Variants in SH3PXD2A observed in about 807,000 individuals in gnomAD.
SH3PXD2A encodes the protein SH3 and PX domains 2A.
A neutral mutation model predicts 115.2 loss-of-function variants in SH3PXD2A; 32 were observed. The ratio of observed to expected loss-of-function variants is 0.28; its 90% CI spans 0.21 to 0.37. The LOEUF is 0.37. Among genes scored for constraint, SH3PXD2A ranks in the 10% least tolerant of loss-of-function variants. SH3PXD2A has a pLI of 1.00. For synonymous variants in SH3PXD2A, 610 were observed against 629.1 expected, an observed-to-expected ratio of 0.97 and a Z score of 0.45; for missense variants, 1,328 against 1,498.7, an observed-to-expected ratio of 0.89 and a Z score of 1.88.
At chr10:103,607,499 C>T (rs1192688926) in intron 13 of SH3PXD2A, among the ~76,000 whole-genome samples, 19 of 151,190 alleles carry the variant, frequency 1.3e-4, no homozygotes, top group African/African-American at 4.4e-4. Flanking sequence ...CCCCTCTGCC[C>T]GGCCAGCCGC....
rs914094677 is a variant in SH3PXD2A at position 103,693,049 on chromosome 10, C to T, written c.406G>A (p.Gly136Ser). ...EDVNPPKEDY[G>S]SSKRKSVWLS... The stretch of plus-strand genomic sequence containing the variant: ...TTACCTGATTTCCTCTTGGAACTGC[C>T]ATAGTCCCTGAAAAAGAAGCAACAA... The change falls in exon 6 of 15, where the codon GGC becomes AGC. Residue 136 changes from glycine (G) to serine (S), a missense_variant. Gly to Ser is a moderately conservative substitution (Grantham distance 56, BLOSUM62 0). Transcript: ENST00000369774. 11 of 1,613,564 alleles carry T rather than the reference C, an allele frequency of 6.8e-6. No homozygotes were observed. Among genetic ancestry groups the T allele is most frequent in the African/African-American group, 5.3e-5 (4 of 74,914 alleles).
At chr10:103,617,167 C>G in intron 11 of SH3PXD2A, 30 bp downstream of exon 11, 5 of 1,481,614 alleles carry the variant, frequency 3.4e-6, no homozygotes, top group Non-Finnish European at 4.7e-6. Context: ...GGGCGAGAGG[C>G]ATCTCGTTCA....
intron 9 of SH3PXD2A, among the ~76,000 whole-genome samples, chr10:103,626,876 C>T (rs909878394): frequency 1.2e-4 from 18 of 152,180 alleles, no homozygotes; most frequent in Admixed American, 1.2e-3. Flanking sequence ...TGAGCCATCC[C>T]TCAGTTCCTG....
intron 1 of SH3PXD2A, among the ~76,000 whole-genome samples, chr10:103,838,264 C>T (rs749590208): frequency 4.6e-5 from 7 of 152,192 alleles, no homozygotes; most frequent in Admixed American, 2.6e-4. Context: ...GACTCACCTG[C>T]GGTGTGGGTG....
At chr10:103,813,305 T>C (rs1589466239) in intron 1 of SH3PXD2A, among the ~76,000 whole-genome samples, 1 of 152,160 alleles carries the variant, frequency 6.6e-6, no homozygotes, top group African/African-American at 2.4e-5. Flanking sequence ...CTTTCTACTT[T>C]ATAGATTTCT....
At chr10:103,733,679 A>G (rs1332647711) in intron 4 of SH3PXD2A, among the ~76,000 whole-genome samples, 2 of 152,270 alleles carry the variant, frequency 1.3e-5, no homozygotes, top group East Asian at 3.8e-4. Flanking sequence ...CTTCAGTTTA[A>G]TGAAGACTAC....
chr10:103,597,092 A>C lies in SH3PXD2A; in HGVS notation c.*4724T>G, dbSNP rs915811891. On this transcript the variant is annotated 3_prime_UTR_variant, in exon 15 of 15. Transcript: ENST00000369774. ...CAGAGAAACTTGAATAGACCCCCCG[A>C]CTCTTCCCGGAGCAGAATTTGTATG... The C allele has an allele frequency of 6.6e-6, 1 of 151,820 alleles. No individual in the cohort carries two copies. The highest frequency in any genetic ancestry group is 1.5e-5 in the Non-Finnish European group (1 of 67,874). 9.4% of individuals were successfully genotyped at this position (151,820 alleles called of 1,614,324 possible). A position where few individuals can be genotyped will look rare whatever the true frequency, so the allele number is the denominator to read the frequency against.
chr10:103,782,427 A>G (rs1589452496), intron 2 of SH3PXD2A, among the ~76,000 whole-genome samples: 1 of 152,386 alleles, frequency 6.6e-6, no homozygotes, highest in East Asian at 1.9e-4. Context: ...AAAGATGGGC[A>G]CACAAGAGGA....
rs776195744 is a variant in SH3PXD2A at position 103,674,229 on chromosome 10, G to A, written c.428-5577C>T. ...AGGCCATCAAATAATTAGGGCCTAA[G>A]AGATGCTAGTCCTATTATTCAGTAG... On this transcript the variant is annotated intron_variant, in intron 6 of 14. Coordinates refer to ENST00000369774, the MANE Select transcript of SH3PXD2A (RefSeq NM_001394015.1). Among the ~76,000 whole-genome samples, 106 of 152,336 alleles carry A rather than the reference G, an allele frequency of 7.0e-4. 2 individuals are homozygous for A. The highest frequency in any genetic ancestry group is 7.3e-4 in the Non-Finnish European group (50 of 68,040).
At position 103,666,244 on chromosome 10, in the gene SH3PXD2A, G is replaced by A. The variant is rs963533049; in HGVS notation, c.472+2364C>T. 6.6e-6 allele frequency among the ~76,000 whole-genome samples: 1 copy of A among 151,962 alleles called. No homozygotes were observed. Among genetic ancestry groups the A allele is most frequent in the African/African-American group, 2.4e-5 (1 of 41,318 alleles). On this transcript the variant is annotated intron_variant, in intron 7 of 14. Coordinates refer to ENST00000369774, the MANE Select transcript of SH3PXD2A (RefSeq NM_001394015.1). The surrounding 1 kb of genome is among the most constrained non-coding windows in gnomAD (Gnocchi z 4.5). ...TCATTCATGATTCAACACATGTATC[G>A]AGCACCCACTAGGCGCCAACACCCA...
chr10:103,813,999 T>TA (rs781401560), intron 1 of SH3PXD2A, among the ~76,000 whole-genome samples: 7,667 of 60,192 alleles, frequency 0.13, 371 homozygotes, highest in Non-Finnish European at 0.18. Flanking sequence ...CTGGACTAGC[T>TA]AAAAAAAAAA....
At position 103,844,680 on chromosome 10, in the gene SH3PXD2A, G is replaced by A. The variant is rs993979108; in HGVS notation, c.72+10515C>T. Among the ~76,000 whole-genome samples, 3 of 151,998 alleles carry A rather than the reference G, an allele frequency of 2.0e-5. No individual in the cohort carries two copies. The East Asian group carries it at 5.8e-4, about 29-fold the overall frequency. On this transcript the variant is annotated intron_variant, in intron 1 of 14. Coordinates refer to ENST00000369774, the MANE Select transcript of SH3PXD2A (RefSeq NM_001394015.1). ...CCAGGCGCAGGCTGGGGAAGGGGAG[G>A]GAGGTCACATCTGCCTGGGTTTGTG...
At chr10:103,845,250 G>T (rs1369555601) in intron 1 of SH3PXD2A, among the ~76,000 whole-genome samples, 1 of 146,474 alleles carries the variant, frequency 6.8e-6, no homozygotes, top group East Asian at 2.0e-4. Context: ...AGAATCACTT[G>T]AACCCAGGAA....
chr10:103,701,685 ATCAT>A, intron 5 of SH3PXD2A, among the ~76,000 whole-genome samples: 1 of 143,958 alleles, frequency 6.9e-6, no homozygotes, highest in Non-Finnish European at 1.5e-5. Context: ...CCATCCATCC[ATCAT>A]TCATCCAGCC....
At chr10:103,779,002 T>G (rs1484000091) in intron 2 of SH3PXD2A, among the ~76,000 whole-genome samples, 5 of 152,216 alleles carry the variant, frequency 3.3e-5, no homozygotes, top group Admixed American at 3.3e-4. Flanking sequence ...GCTCTGAGCC[T>G]GGCTCCTGGC....
chr10:103,705,220 A>G (rs1372586862), intron 5 of SH3PXD2A, among the ~76,000 whole-genome samples: 1 of 152,030 alleles, frequency 6.6e-6, no homozygotes, highest in Non-Finnish European at 1.5e-5. Flanking sequence ...CTTCTACACC[A>G]AGGTAAAGCC....
chr10:103,732,537 A>T (rs2134182187), intron 4 of SH3PXD2A, among the ~76,000 whole-genome samples: 1 of 152,340 alleles, frequency 6.6e-6, no homozygotes, highest in East Asian at 1.9e-4. Context: ...TGAAACCGCC[A>T]TTAGGTGGTG....
At position 103,631,076 on chromosome 10, in the gene SH3PXD2A, G is replaced by A. The variant is rs184040912; in HGVS notation, c.605-3874C>T. 2.0e-4 allele frequency among the ~76,000 whole-genome samples: 31 copies of A among 152,212 alleles called. No individual in the cohort carries two copies. The East Asian group carries it at 6.0e-3, about 29-fold the overall frequency. Reference sequence around the variant, plus strand: ...GGCCAGGAGTTCAAGACCAGCCTAGGCAACAAAGTGAGACCCTATCTCTAC... The same window carrying A: ...GGCCAGGAGTTCAAGACCAGCCTAGACAACAAAGTGAGACCCTATCTCTAC... On this transcript the variant is annotated intron_variant, in intron 8 of 14. Coordinates refer to ENST00000369774, the MANE Select transcript of SH3PXD2A (RefSeq NM_001394015.1).
intron 2 of SH3PXD2A, among the ~76,000 whole-genome samples, chr10:103,794,544 T>C (rs1190025622): frequency 6.6e-6 from 1 of 151,968 alleles, no homozygotes; most frequent in Non-Finnish European, 1.5e-5. Context: ...TGCAAGGAAA[T>C]AGACAAAGGC....
Sources: gnomAD v4.1 joint callset for allele counts (sites outside exome capture counted in the v4.1 genomes callset) on GRCh38, gnomAD v4.1.1 for gene constraint, Gnocchi (gnomAD v3.1) non-coding constraint, MANE v1.5 for transcripts, NCBI Gene and HGNC (gene_info 2026-07-23, HGNC 2026-07-21) for gene names.